The following MAN2A1 variants were observed in gnomAD, a reference collection of about 807,000 sequenced individuals.
The protein encoded by MAN2A1 is alpha-mannosidase 2.
A neutral mutation model predicts 142.6 loss-of-function variants in MAN2A1; 76 were observed. The ratio of observed to expected loss-of-function variants is 0.53; its 90% CI spans 0.44 to 0.65. The LOEUF (loss-of-function observed/expected upper bound fraction) is 0.65. Ranked by LOEUF, MAN2A1 falls within the 30% of genes least tolerant of loss-of-function variation. The probability of loss-of-function intolerance (pLI) is 0.00; values close to 1 mark genes in which losing one functional copy is unlikely to be tolerated. For synonymous variants in MAN2A1, 559 were observed against 473.2 expected (o/e 1.18, Z -2.35); for missense variants, 1,311 against 1,365.1 (o/e 0.96, Z 0.62).
At chr5:109,800,009 A>G (rs1030731440) in intron 12 of MAN2A1, among the ~76,000 whole-genome samples, 4 of 150,696 alleles carry the variant, frequency 2.7e-5, no homozygotes, top group Non-Finnish European at 4.4e-5. Flanking sequence ...AATTGCTTGA[A>G]CCGGGGAGGT....
intron 16 of MAN2A1, among the ~76,000 whole-genome samples, chr5:109,827,854 C>T (rs918306127): frequency 2.0e-5 from 3 of 152,160 alleles, no homozygotes; most frequent in Non-Finnish European, 2.9e-5. Flanking sequence ...GTAATTCCAG[C>T]ACTTTGGGAG....
intron 19 of MAN2A1, among the ~76,000 whole-genome samples, chr5:109,852,486 C>T (rs548818348): frequency 1.7e-4 from 26 of 152,254 alleles, no homozygotes; most frequent in African/African-American, 6.3e-4. Context: ...GATCGTTTAA[C>T]TCAAAGTGAG....
intron 16 of MAN2A1, among the ~76,000 whole-genome samples, chr5:109,832,245 G>T (rs554195658): frequency 6.9e-6 from 1 of 145,438 alleles, no homozygotes; most frequent in South Asian, 2.3e-4. Context: ...AGGGTCATAG[G>T]ACAATAGTGG....
At chr5:109,768,607 G>C (rs1753056826) in intron 6 of MAN2A1, among the ~76,000 whole-genome samples, 1 of 152,128 alleles carries the variant, frequency 6.6e-6, no homozygotes, top group Non-Finnish European at 1.5e-5. Context: ...AGAAATTACT[G>C]CATTACATTA....
At chr5:109,743,997 T>G (rs1055443988) in intron 4 of MAN2A1, among the ~76,000 whole-genome samples, 4 of 152,168 alleles carry the variant, frequency 2.6e-5, no homozygotes, top group South Asian at 2.1e-4. Flanking sequence ...GTTTTGTGCT[T>G]CTTAGGAATT....
chr5:109,761,848 A>T (rs1032757048), intron 5 of MAN2A1, among the ~76,000 whole-genome samples: 6 of 152,058 alleles, frequency 3.9e-5, no homozygotes, highest in African/African-American at 1.4e-4. Flanking sequence ...TCCAATTTAC[A>T]TCTAAAATGT....
intron 3 of MAN2A1, among the ~76,000 whole-genome samples, chr5:109,724,866 G>C (rs1390276420): frequency 6.6e-6 from 1 of 152,068 alleles, no homozygotes; most frequent in Non-Finnish European, 1.5e-5. Flanking sequence ...ATTAGGTATA[G>C]CATCAGAACA....
chr5:109,776,425 T>A (rs1384845964), intron 8 of MAN2A1, among the ~76,000 whole-genome samples: 1 of 152,102 alleles, frequency 6.6e-6, no homozygotes, highest in African/African-American at 2.4e-5. Context: ...TGCTCATACA[T>A]GAATATGTGA....
intron 16 of MAN2A1, among the ~76,000 whole-genome samples, chr5:109,828,119 GAAAA>G (rs1754806056): frequency 7.3e-6 from 1 of 137,606 alleles, no homozygotes. Flanking sequence ...AAAAAAAAAA[GAAAA>G]AAAGAAAAAA....
At chr5:109,730,431 T>C (rs1751871140) in intron 4 of MAN2A1, among the ~76,000 whole-genome samples, 2 of 152,162 alleles carry the variant, frequency 1.3e-5, no homozygotes, top group Non-Finnish European at 2.9e-5. Flanking sequence ...AAATCTGTTA[T>C]TCTGTTTTCT....
At chr5:109,746,572 G>GT (rs34492008) in intron 4 of MAN2A1, among the ~76,000 whole-genome samples, 7,117 of 126,058 alleles carry the variant, frequency 0.056, 354 homozygotes, top group African/African-American at 0.13. Flanking sequence ...CATTGTGCTG[G>GT]TTTTTTTTTT....
chr5:109,736,482 A>C (rs1466973185), intron 4 of MAN2A1, among the ~76,000 whole-genome samples: 1 of 152,008 alleles, frequency 6.6e-6, no homozygotes, highest in East Asian at 1.9e-4. Flanking sequence ...ATGCCCCTGC[A>C]CTCCAGCCTG....
At chr5:109,774,712 T>C (rs1753235271) in intron 7 of MAN2A1, 76 bp from the exon 8 acceptor site, 3 of 1,099,150 alleles carry the variant, frequency 2.7e-6, no homozygotes, top group Non-Finnish European at 4.0e-6. Flanking sequence ...TTATTTCCTT[T>C]TTAATCAATT....
rs761015143 is a variant in MAN2A1 at position 109,847,755 on chromosome 5, C to T, written c.2941C>T (p.Arg981Ter). 3.8e-6 allele frequency: 6 copies of T among 1,592,056 alleles called. No individual in the cohort carries two copies. In the South Asian group the frequency reaches 4.6e-5, roughly 12 times the overall value. ...TAACAAGATTACAGCTAATCTATTT[C>T]GAATACTACTAGAAAAAAGAAGTGC... ...QDNKITANLF[R>*]ILLEKRSAVN... The change falls in exon 19 of 22, where the codon CGA becomes TGA. Residue 981 changes from arginine (R) to a stop codon, truncating the protein, a stop_gained. Transcript: ENST00000261483. LOFTEE classifies it high-confidence loss of function.
At chr5:109,763,518 A>G (rs573075970) in intron 5 of MAN2A1, among the ~76,000 whole-genome samples, 1,604 of 145,310 alleles carry the variant, frequency 0.011, 26 homozygotes, top group African/African-American at 0.04. Flanking sequence ...TTTAAAATTT[A>G]TTTTAGTATT....
intron 12 of MAN2A1, among the ~76,000 whole-genome samples, chr5:109,815,322 C>G (rs1754425120): frequency 6.6e-6 from 1 of 152,184 alleles, no homozygotes; most frequent in Non-Finnish European, 1.5e-5. Context: ...AAGAGGGCAT[C>G]ACCCTCCCTC....
At chr5:109,859,349 TCTTG>T (rs1378329066) in intron 20 of MAN2A1, among the ~76,000 whole-genome samples, 2 of 152,226 alleles carry the variant, frequency 1.3e-5, no homozygotes, top group Non-Finnish European at 2.9e-5. Context: ...GACAGACATA[TCTTG>T]CTTTTCTGCT....
intron 10 of MAN2A1, among the ~76,000 whole-genome samples, chr5:109,788,099 A>T (rs984502136): frequency 9.2e-5 from 14 of 151,706 alleles, no homozygotes; most frequent in African/African-American, 3.4e-4. Context: ...TGCTTTCTGT[A>T]TTGGAAAAAA....
At chr5:109,747,072 T>G (rs1752428152) in intron 4 of MAN2A1, among the ~76,000 whole-genome samples, 1 of 152,168 alleles carries the variant, frequency 6.6e-6, no homozygotes, top group Non-Finnish European at 1.5e-5. Context: ...TGATGGACAT[T>G]TGGGTGGTTT....
Sources: allele counts gnomAD v4.1 joint callset (sites outside exome capture counted in the v4.1 genomes callset), GRCh38; gene constraint gnomAD v4.1.1; transcripts MANE v1.5; gene names NCBI Gene and HGNC (gene_info 2026-07-23, HGNC 2026-07-21).